DPP10: variants seen among roughly 807,000 people sequenced by gnomAD.
DPP10 encodes the protein inactive dipeptidyl peptidase 10.
DPP10 carries 33 observed loss-of-function variants against 120.9 expected under a neutral mutation model. The ratio of observed to expected loss-of-function variants is 0.27; its 90% confidence interval spans 0.21 to 0.37. DPP10 has a LOEUF of 0.37. Among genes scored for constraint, DPP10 ranks in the 10% least tolerant of loss-of-function variants. The pLI, the probability that DPP10 is intolerant of heterozygous loss-of-function variation, is 1.00. For synonymous variants in DPP10, 337 were observed against 326.1 expected (o/e 1.03, Z -0.36); for missense variants, 816 against 942.8 (o/e 0.87, Z 1.76).
At chr2:115,694,047 A>G (rs1162102477) in intron 7 of DPP10, among the ~76,000 whole-genome samples, 1 of 152,244 alleles carries the variant, frequency 6.6e-6, no homozygotes, top group East Asian at 1.9e-4. Context: ...GTTTTCTGTA[A>G]TGTCATTTTT....
intron 5 of DPP10, among the ~76,000 whole-genome samples, chr2:115,596,280 C>A (rs910647786): frequency 6.6e-6 from 1 of 152,088 alleles, no homozygotes; most frequent in Non-Finnish European, 1.5e-5. Flanking sequence ...AAGATGTTTC[C>A]ATTTTATCTT....
chr2:115,463,383 A>G (rs2074110590), intron 3 of DPP10, among the ~76,000 whole-genome samples: 1 of 152,188 alleles, frequency 6.6e-6, no homozygotes, highest in South Asian at 2.1e-4. Flanking sequence ...TTCAAAATTT[A>G]AATGTGTATA....
chr2:115,707,343 A>G (rs868240250), intron 7 of DPP10, among the ~76,000 whole-genome samples: 1 of 151,796 alleles, frequency 6.6e-6, no homozygotes, highest in Non-Finnish European at 1.5e-5. Context: ...ACAAGTATCA[A>G]TAAATATAAA....
intron 1 of DPP10, among the ~76,000 whole-genome samples, chr2:114,816,300 C>T (rs1481219543): frequency 6.6e-6 from 1 of 152,210 alleles, no homozygotes; most frequent in Non-Finnish European, 1.5e-5. Context: ...GTTTCTGTCA[C>T]AACTACTCAA....
chr2:114,691,731 A>G (rs962820140), intron 1 of DPP10, among the ~76,000 whole-genome samples: 6 of 151,852 alleles, frequency 4.0e-5, no homozygotes, highest in Non-Finnish European at 8.8e-5. Flanking sequence ...TGGTTGGTAG[A>G]CTATTTATTA....
intron 5 of DPP10, among the ~76,000 whole-genome samples, chr2:115,584,723 C>T (rs1376218521): frequency 6.6e-6 from 1 of 152,122 alleles, no homozygotes; most frequent in Non-Finnish European, 1.5e-5. Context: ...TGTTGCTGAG[C>T]AGCAGCTGTC....
chr2:114,646,290 T>A (rs1278702264), intron 1 of DPP10, among the ~76,000 whole-genome samples: 1 of 152,076 alleles, frequency 6.6e-6, no homozygotes, highest in African/African-American at 2.4e-5. Flanking sequence ...CTGTGCATCA[T>A]CCCAGGTGTG....
At chr2:115,809,277 A>G (rs1299890035) in intron 19 of DPP10, among the ~76,000 whole-genome samples, 1 of 152,192 alleles carries the variant, frequency 6.6e-6, no homozygotes, top group East Asian at 1.9e-4. Flanking sequence ...ATACTGCTTG[A>G]AAGAGGGCAA....
chr2:115,594,047 T>G (rs940420879), intron 5 of DPP10, among the ~76,000 whole-genome samples: 4 of 152,174 alleles, frequency 2.6e-5, no homozygotes, highest in African/African-American at 9.7e-5. Context: ...AGTGGCATTC[T>G]TTACTTACCA....
At position 114,776,413 on chromosome 2, in the gene DPP10, C is replaced by T. The variant is rs144593949; in HGVS notation, c.60+333575C>T. 1.8e-4 allele frequency among the ~76,000 whole-genome samples: 28 copies of T among 152,202 alleles called. 2 individuals carry two copies. The highest frequency in any genetic ancestry group is 6.7e-4 in the African/African-American group (28 of 41,542). On this transcript the variant is annotated intron_variant, in intron 1 of 25. Transcript: ENST00000410059. ...GAAGGAAAAAACAGTTACATTCATA[C>T]CTAAGGTTCCAGAGCTTCCAAGACC...
At chr2:115,414,914 C>T (rs1217304002) in intron 3 of DPP10, among the ~76,000 whole-genome samples, 1 of 152,074 alleles carries the variant, frequency 6.6e-6, no homozygotes, top group East Asian at 1.9e-4. Flanking sequence ...TACTGTTGAC[C>T]CCAATATCTC....
At chr2:115,093,558 G>T (rs1297984119) in intron 1 of DPP10, among the ~76,000 whole-genome samples, 1 of 151,902 alleles carries the variant, frequency 6.6e-6, no homozygotes, top group Non-Finnish European at 1.5e-5. Context: ...TAATAATTTG[G>T]TATCATGTAA....
intron 19 of DPP10, among the ~76,000 whole-genome samples, chr2:115,794,442 A>G (rs1684324352): frequency 6.6e-6 from 1 of 152,214 alleles, no homozygotes; most frequent in South Asian, 2.1e-4. Context: ...GCTTGGTCAT[A>G]TGTTTTGAAA....
intron 1 of DPP10, among the ~76,000 whole-genome samples, chr2:115,257,605 C>T (rs1348239013): frequency 6.6e-6 from 1 of 152,186 alleles, no homozygotes; most frequent in African/African-American, 2.4e-5. Flanking sequence ...CCATCTTCAA[C>T]ACTGGGGATG....
chr2:115,800,406 G>C (rs1685066942), intron 19 of DPP10, among the ~76,000 whole-genome samples: 1 of 152,132 alleles, frequency 6.6e-6, no homozygotes. Flanking sequence ...TCTGACAGTA[G>C]TTTCTTTTGC....
chr2:115,178,365 T>TA (rs1431546073), intron 1 of DPP10, among the ~76,000 whole-genome samples: 1 of 152,170 alleles, frequency 6.6e-6, no homozygotes, highest in Non-Finnish European at 1.5e-5. Flanking sequence ...TATGTGGCCC[T>TA]AGTCAAATTA....
At chr2:114,640,859 A>G (rs1695654570) in intron 1 of DPP10, among the ~76,000 whole-genome samples, 1 of 151,908 alleles carries the variant, frequency 6.6e-6, no homozygotes, top group Non-Finnish European at 1.5e-5. Flanking sequence ...CCGGTCTTGG[A>G]ATGAGGGGAA....
intron 1 of DPP10, among the ~76,000 whole-genome samples, chr2:114,552,799 G>A (rs936361075): frequency 1.3e-5 from 2 of 152,012 alleles, no homozygotes; most frequent in South Asian, 2.1e-4. Context: ...ACCCACCTTC[G>A]CCTCCCAAAG....
At chr2:115,285,252 T>C (rs2060318188) in intron 1 of DPP10, among the ~76,000 whole-genome samples, 1 of 152,096 alleles carries the variant, frequency 6.6e-6, no homozygotes, top group Non-Finnish European at 1.5e-5. Flanking sequence ...AGGCAGCTTT[T>C]ATTGTGCTTT....
Sources: gnomAD v4.1 joint callset for allele counts (sites outside exome capture counted in the v4.1 genomes callset) on GRCh38, gnomAD v4.1.1 for gene constraint, MANE v1.5 for transcripts, NCBI Gene and HGNC (gene_info 2026-07-23, HGNC 2026-07-21) for gene names.